ACSS3: variants seen among roughly 807,000 people sequenced by gnomAD.
ACSS3 encodes the protein acyl-CoA synthetase short-chain family member 3, mitochondrial.
A neutral mutation model predicts 84.2 loss-of-function variants in ACSS3; 64 were observed. That is an observed-to-expected ratio of 0.76 (90% CI 0.62 to 0.94). ACSS3 has a LOEUF of 0.94. Among genes scored for constraint, ACSS3 ranks in the 40% least tolerant of loss-of-function variants. The pLI is 0.00. For synonymous variants in ACSS3, 317 were observed against 310.1 expected, an observed-to-expected ratio of 1.02 and a Z score of -0.23; for missense variants, 815 against 867.6, an observed-to-expected ratio of 0.94 and a Z score of 0.76.
chr12:81,245,919 T>C (rs755113660), intron 13 of ACSS3, among the ~76,000 whole-genome samples: 3 of 152,182 alleles, frequency 2.0e-5, no homozygotes, highest in Non-Finnish European at 2.9e-5. Context: ...AACTCTCCTT[T>C]GCTGTTCTTA....
intron 5 of ACSS3, among the ~76,000 whole-genome samples, chr12:81,149,252 T>G (rs894430820): frequency 6.6e-6 from 1 of 152,228 alleles, no homozygotes; most frequent in Non-Finnish European, 1.5e-5. Flanking sequence ...ATTTGCTTAG[T>G]TATAGTATAA....
At chr12:81,085,110 A>G (rs1412196519) in intron 1 of ACSS3, among the ~76,000 whole-genome samples, 1 of 152,214 alleles carries the variant, frequency 6.6e-6, no homozygotes, top group Non-Finnish European at 1.5e-5. Context: ...AATAGGAATG[A>G]AGGGAATTTT....
intron 1 of ACSS3, 126 bp from the exon 2 acceptor site, chr12:81,109,434 A>T: frequency 1.0e-6 from 1 of 1,003,436 alleles, no homozygotes; most frequent in South Asian, 2.0e-5. Context: ...TCATTACTTG[A>T]CATAGAATGC....
Position 81,222,926 on chromosome 12 carries a change from C to T in ACSS3, c.1514+2850C>T, listed in dbSNP as rs549444973. Among the ~76,000 whole-genome samples, 5 of 152,096 alleles carry T rather than the reference C, an allele frequency of 3.3e-5. No homozygotes were observed. The East Asian group carries it at 7.8e-4, about 24-fold the overall frequency. On this transcript the variant is annotated intron_variant, in intron 11 of 15. Coordinates refer to ENST00000548058, the MANE Select transcript of ACSS3 (RefSeq NM_024560.4). ...TAGAAAATTCTTTTGATTTGGAAAC[C>T]TACTCCAGGCAGTTAATTTAGTAAG...
chr12:81,159,423 A>G (rs1351856512), intron 7 of ACSS3, among the ~76,000 whole-genome samples: 5 of 152,182 alleles, frequency 3.3e-5, no homozygotes, highest in Non-Finnish European at 7.4e-5. Context: ...ATTTACTTTT[A>G]TCAATGGAAT....
intron 8 of ACSS3, among the ~76,000 whole-genome samples, chr12:81,185,129 T>C (rs2135854218): frequency 1.3e-5 from 2 of 151,684 alleles, no homozygotes; most frequent in South Asian, 2.1e-4. Flanking sequence ...ATAATTAACA[T>C]AAAAAAAGCA....
intron 8 of ACSS3, among the ~76,000 whole-genome samples, chr12:81,176,076 A>T (rs539127089): frequency 6.6e-6 from 1 of 152,322 alleles, no homozygotes; most frequent in East Asian, 1.9e-4. Flanking sequence ...TGAGTTTTTA[A>T]AGAATAAAAA....
intron 1 of ACSS3, among the ~76,000 whole-genome samples, chr12:81,105,448 G>A (rs1342519155): frequency 6.6e-6 from 1 of 152,164 alleles, no homozygotes; most frequent in African/African-American, 2.4e-5. Flanking sequence ...ATCTATAAAT[G>A]AATGAGTGAA....
At position 81,243,547 on chromosome 12, in the gene ACSS3, G is replaced by A. The variant is rs550986072; in HGVS notation, c.1720-9760G>A. ...ATGGAACCAAAAAAGAGCCTGCATC[G>A]TCAAGTCAATCCTAAGCCAGAAGAA... On this transcript the variant is annotated intron_variant, in intron 13 of 15. Transcript: ENST00000548058. Among the ~76,000 whole-genome samples the A allele has an allele frequency of 1.7e-3, 264 of 152,216 alleles. 1 individual carries two copies. The highest frequency in any genetic ancestry group is 3.4e-3 in the Middle Eastern group (1 of 294).
At chr12:81,093,994 T>C (rs918530301) in intron 1 of ACSS3, among the ~76,000 whole-genome samples, 1 of 152,186 alleles carries the variant, frequency 6.6e-6, no homozygotes, top group African/African-American at 2.4e-5. Flanking sequence ...TTCTAATTCA[T>C]TATTTTTAAT....
At chr12:81,110,850 A>G (rs1883514671) in intron 2 of ACSS3, among the ~76,000 whole-genome samples, 1 of 152,146 alleles carries the variant, frequency 6.6e-6, no homozygotes, top group Non-Finnish European at 1.5e-5. Context: ...GGCTTTTAAG[A>G]TTGTATTCTC....
intron 9 of ACSS3, among the ~76,000 whole-genome samples, chr12:81,212,244 C>T (rs901844043): frequency 2.0e-5 from 3 of 152,158 alleles, no homozygotes; most frequent in Admixed American, 1.3e-4. Flanking sequence ...GGTCTCCATG[C>T]GGGTAGAAAT....
chr12:81,259,761 C>T lies in ACSS3; in HGVS notation c.*4839C>T, dbSNP rs1258708679. 1.0e-6 allele frequency: 1 copy of T among 980,314 alleles called. No individual in the cohort carries two copies. The highest frequency in any genetic ancestry group is 1.5e-6 in the Non-Finnish European group (1 of 658,670). 60.7% of individuals were successfully genotyped at this position (980,314 alleles called of 1,614,324 possible). ...GTACCTCCACGCAGCCTGCTTACTC[C>T]TGTCCTAGAAGATCATGAGAAGGAA... On this transcript the variant is annotated 3_prime_UTR_variant, in exon 16 of 16. Transcript: ENST00000548058.
At chr12:81,078,740 G>A (rs1014359849) in intron 1 of ACSS3, among the ~76,000 whole-genome samples, 1 of 152,090 alleles carries the variant, frequency 6.6e-6, no homozygotes, top group African/African-American at 2.4e-5. Flanking sequence ...TCCAGGGACC[G>A]CACAGTCTAG....
chr12:81,162,157 A>G (rs1403541463), intron 7 of ACSS3, among the ~76,000 whole-genome samples: 1 of 152,204 alleles, frequency 6.6e-6, no homozygotes, highest in African/African-American at 2.4e-5. Flanking sequence ...TCAAGGATGC[A>G]TGAGTATGCA....
chr12:81,147,866 T>TTC (rs1555252017), intron 5 of ACSS3, among the ~76,000 whole-genome samples: 1 of 148,930 alleles, frequency 6.7e-6, no homozygotes, highest in Non-Finnish European at 1.5e-5. Context: ...GCTGAATTGA[T>TTC]ACACACACAC....
intron 8 of ACSS3, among the ~76,000 whole-genome samples, chr12:81,175,270 T>C (rs1313099167): frequency 6.6e-6 from 1 of 152,158 alleles, no homozygotes; most frequent in Non-Finnish European, 1.5e-5. Context: ...TGTACTAACA[T>C]CTGCCTTTTG....
Position 81,256,488 on chromosome 12 carries a change from A to G in ACSS3, c.*1566A>G, listed in dbSNP as rs1220116572. 2 of 152,198 alleles carry G rather than the reference A, an allele frequency of 1.3e-5. No individual in the cohort carries two copies. Among genetic ancestry groups the G allele is most frequent in the Admixed American group, 6.6e-5 (1 of 15,266 alleles). 9.4% of individuals were successfully genotyped at this position (152,198 alleles called of 1,614,324 possible). A position where few individuals can be genotyped will look rare whatever the true frequency, so the allele number is the denominator to read the frequency against. Reference sequence around the variant, plus strand: ...GGATCTATATGACATCAGTTATCAAAGAATACATTTTAACCCAAAAGTATA... The same window carrying G: ...GGATCTATATGACATCAGTTATCAAGGAATACATTTTAACCCAAAAGTATA... On this transcript the variant is annotated 3_prime_UTR_variant, in exon 16 of 16. Coordinates refer to ENST00000548058, the MANE Select transcript of ACSS3 (RefSeq NM_024560.4).
intron 2 of ACSS3, among the ~76,000 whole-genome samples, chr12:81,112,933 C>A (rs1883727850): frequency 6.6e-6 from 1 of 152,046 alleles, no homozygotes; most frequent in Non-Finnish European, 1.5e-5. Flanking sequence ...CAGAATGATT[C>A]AGAAGTAGAG....
Sources: gnomAD v4.1 joint callset for allele counts (sites outside exome capture counted in the v4.1 genomes callset) on GRCh38, gnomAD v4.1.1 for gene constraint, MANE v1.5 for transcripts, NCBI Gene and HGNC (gene_info 2026-07-23, HGNC 2026-07-21) for gene names.